Variants in MARCHF6 observed in about 807,000 individuals in gnomAD.
MARCHF6 encodes E3 ubiquitin-protein ligase MARCHF6.
A neutral mutation model predicts 133.7 loss-of-function variants in MARCHF6; 31 were observed. The observed-to-expected ratio is 0.23, with a 90% CI of 0.17 to 0.31. MARCHF6 has a LOEUF of 0.31. MARCHF6 is among the 10% of genes least tolerant of loss of function. The pLI is 1.00. For missense variants in MARCHF6, 723 were observed against 1,121.6 expected (o/e 0.64, Z 5.08); for synonymous variants, 395 against 402.5 (o/e 0.98, Z 0.22).
At chr5:10,415,790 A>G in intron 21 of MARCHF6, 121 bp downstream of exon 21, 1 of 806,588 alleles carries the variant, frequency 1.2e-6, no homozygotes. Flanking sequence ...AAGAGAGTTG[A>G]TTTTTTGAAT....
Position 10,439,648 on chromosome 5 carries a change from G to GCT in MARCHF6, c.*5972_*5973dup, listed in dbSNP as rs147797272. On this transcript the variant is annotated 3_prime_UTR_variant, in exon 26 of 26. Coordinates refer to ENST00000274140, the MANE Select transcript of MARCHF6 (RefSeq NM_005885.4). ...TCCTGAGCTTGCTGCCTCTGCCCCTGCTCTCTCTCCTTTTCCATTTGTTTT... is the reference window on the plus strand; with the variant it reads ...TCCTGAGCTTGCTGCCTCTGCCCCTGCTCTCTCTCTCCTTTTCCATTTGTTTT... 6.6e-6 allele frequency: 1 copy of GCT among 152,112 alleles called. No individual in the cohort carries two copies. Among genetic ancestry groups the GCT allele is most frequent in the African/African-American group, 2.4e-5 (1 of 41,360 alleles). The allele number at this position is 152,112 out of a possible 1,614,324, so 9.4% of individuals were successfully genotyped here.
chr5:10,433,815 A>T lies in MARCHF6; in HGVS notation c.*131A>T, dbSNP rs552484206. 1.9e-5 allele frequency: 14 copies of T among 721,376 alleles called. No homozygotes were observed. The East Asian group carries it at 3.8e-4, about 20-fold the overall frequency. The allele number at this position is 721,376 out of a possible 1,614,324, so 44.7% of individuals were successfully genotyped here. On this transcript the variant is annotated 3_prime_UTR_variant, in exon 26 of 26. Transcript: ENST00000274140. The stretch of plus-strand genomic sequence containing the variant: ...AATGTATTTGACTTGTGTTCTCAGC[A>T]TTCAGAGAGCAGCGGTGTAAGATTC...
chr5:10,420,465 C>T (rs1048558238), intron 22 of MARCHF6, among the ~76,000 whole-genome samples: 7 of 152,194 alleles, frequency 4.6e-5, no homozygotes, highest in Admixed American at 3.9e-4. Context: ...AATACCCTAA[C>T]CCAGTCAGTG....
chr5:10,428,441 A>G (rs934487362), intron 24 of MARCHF6, among the ~76,000 whole-genome samples: 1 of 146,608 alleles, frequency 6.8e-6, no homozygotes, highest in Non-Finnish European at 1.5e-5. Flanking sequence ...TCCTGGGTTC[A>G]AGCGATTTTC....
intron 24 of MARCHF6, among the ~76,000 whole-genome samples, chr5:10,429,141 C>T (rs1311663986): frequency 6.6e-6 from 1 of 152,174 alleles, no homozygotes; most frequent in Non-Finnish European, 1.5e-5. Flanking sequence ...AATAATCCAC[C>T]TGACGGTATT....
chr5:10,415,729 T>C, intron 21 of MARCHF6, 60 bp downstream of exon 21: 5 of 1,428,054 alleles, frequency 3.5e-6, no homozygotes, highest in Non-Finnish European at 4.7e-6. Flanking sequence ...ATTTTTCCAG[T>C]CATCTTAAAT....
chr5:10,400,075 A>G (rs1403540011), intron 10 of MARCHF6, among the ~76,000 whole-genome samples: 5 of 152,198 alleles, frequency 3.3e-5, no homozygotes, highest in African/African-American at 1.2e-4. Flanking sequence ...GCTGAGATAC[A>G]TGATGTTGGA....
chr5:10,394,223 A>G, intron 8 of MARCHF6, 80 bp downstream of exon 8: 1 of 797,952 alleles, frequency 1.3e-6, no homozygotes, highest in South Asian at 2.3e-5. Flanking sequence ...AGATGTATAC[A>G]CTAATGTTAT....
chr5:10,360,133 T>A (rs1222335538), intron 1 of MARCHF6, among the ~76,000 whole-genome samples: 3 of 147,908 alleles, frequency 2.0e-5, no homozygotes, highest in Non-Finnish European at 3.0e-5. Flanking sequence ...TCAAAAGTTG[T>A]ATGTGTGTGT....
At chr5:10,404,495 G>A (rs1042481261) in intron 15 of MARCHF6, among the ~76,000 whole-genome samples, 1 of 152,160 alleles carries the variant, frequency 6.6e-6, no homozygotes, top group South Asian at 2.1e-4. Flanking sequence ...TGGTCACTGT[G>A]TGCCGGACAC....
intron 15 of MARCHF6, among the ~76,000 whole-genome samples, chr5:10,404,188 C>A (rs1240178500): frequency 1.3e-5 from 2 of 151,896 alleles, no homozygotes. Context: ...CTGCTTGAAC[C>A]TCCCAAGTAG....
intron 23 of MARCHF6, among the ~76,000 whole-genome samples, chr5:10,424,321 A>G (rs1739971618): frequency 6.6e-6 from 1 of 152,194 alleles, no homozygotes. Context: ...GGTGCCATCT[A>G]GAGGCCCAGA....
chr5:10,386,956 G>A (rs190695736), intron 4 of MARCHF6, 38 bp from the exon 5 acceptor site: 11 of 1,522,402 alleles, frequency 7.2e-6, no homozygotes, highest in East Asian at 4.5e-5. Flanking sequence ...TTCATGATGC[G>A]AGTTGTGACT....
chr5:10,380,154 GTT>G (rs1491363020), intron 3 of MARCHF6, among the ~76,000 whole-genome samples: 2 of 123,014 alleles, frequency 1.6e-5, no homozygotes, highest in African/African-American at 6.9e-5. Context: ...TTGTGTTTTA[GTT>G]GTGTGTGTGT....
intron 1 of MARCHF6, among the ~76,000 whole-genome samples, chr5:10,372,066 CAAAA>C (rs536138204): frequency 1.7e-5 from 2 of 116,750 alleles, no homozygotes; most frequent in Non-Finnish European, 1.8e-5. Context: ...GTGAGTAGGC[CAAAA>C]AAAAAAAAGA....
intron 7 of MARCHF6, among the ~76,000 whole-genome samples, chr5:10,393,210 T>C (rs766446720): frequency 6.6e-6 from 1 of 152,114 alleles, no homozygotes; most frequent in South Asian, 2.1e-4. Context: ...GGACCACAGA[T>C]GTGTGCCATC....
intron 21 of MARCHF6, among the ~76,000 whole-genome samples, chr5:10,415,880 A>G (rs1739475273): frequency 6.6e-6 from 1 of 152,196 alleles, no homozygotes; most frequent in African/African-American, 2.4e-5. Context: ...ATGAGGTTTA[A>G]AAGAAAAACA....
intron 1 of MARCHF6, among the ~76,000 whole-genome samples, chr5:10,373,411 G>A (rs532482062): frequency 6.6e-6 from 1 of 152,260 alleles, no homozygotes; most frequent in Admixed American, 6.5e-5. Context: ...CCTGTGGTGA[G>A]TGTGCCCTGG....
chr5:10,433,943 G>A lies in MARCHF6; in HGVS notation c.*259G>A, dbSNP rs901339307. ...TAAAACCTTGGATTAAACAGAATGTGCATTGTACATCTTTAAACAAAATGT... is the reference window on the plus strand; with the variant it reads ...TAAAACCTTGGATTAAACAGAATGTACATTGTACATCTTTAAACAAAATGT... On this transcript the variant is annotated 3_prime_UTR_variant, in exon 26 of 26. Transcript: ENST00000274140. 2.3e-6 allele frequency: 1 copy of A among 432,140 alleles called. No individual in the cohort carries two copies. The highest frequency in any genetic ancestry group is 4.2e-6 in the Non-Finnish European group (1 of 236,312). The allele number at this position is 432,140 out of a possible 1,614,324, so 26.8% of individuals were successfully genotyped here.
Sources: gnomAD v4.1 joint callset for allele counts (sites outside exome capture counted in the v4.1 genomes callset) on GRCh38, gnomAD v4.1.1 for gene constraint, MANE v1.5 for transcripts, NCBI Gene and HGNC (gene_info 2026-07-23, HGNC 2026-07-21) for gene names.